YES1: variants seen among roughly 807,000 people sequenced by gnomAD.
The protein encoded by YES1 is tyrosine-protein kinase Yes.
Under a neutral mutation model 70.4 loss-of-function variants are expected in YES1, and 39 were observed. That is an observed-to-expected ratio of 0.55 (90% CI 0.43 to 0.72). The LOEUF (loss-of-function observed/expected upper bound fraction) is 0.72, where lower values mean the gene tolerates loss of function less well. Among genes scored for constraint, YES1 ranks in the 30% least tolerant of loss-of-function variants. The pLI is 0.00. For missense variants in YES1, 495 were observed against 644.8 expected (o/e 0.77, Z 2.52); for synonymous variants, 198 against 218.6 (o/e 0.91, Z 0.83).
chr18:787,672 T>C (rs980452179), intron 1 of YES1, among the ~76,000 whole-genome samples: 4 of 151,876 alleles, frequency 2.6e-5, no homozygotes, highest in Non-Finnish European at 5.9e-5. Flanking sequence ...ATCGCGCCAC[T>C]GCACTTCAGC....
At chr18:771,738 T>C (rs890780425) in intron 1 of YES1, among the ~76,000 whole-genome samples, 10 of 152,102 alleles carry the variant, frequency 6.6e-5, no homozygotes, top group Admixed American at 3.3e-4. Context: ...TTTGTAGAGA[T>C]AGGGCTTTGT....
Position 732,914 on chromosome 18 carries a change from C to T in YES1, c.1343G>A (p.Arg448Gln), listed in dbSNP as rs1384930568. The change falls in exon 11 of 12, where the codon CGG becomes CAG. Residue 448 changes from arginine (R) to glutamine (Q), a missense_variant. By Grantham distance (43) the Arg-to-Gln change is conservative. This residue lies in a region of YES1 where 385 missense variants were observed against 540.9 expected (regional missense o/e 0.71). Coordinates refer to ENST00000314574, the MANE Select transcript of YES1 (RefSeq NM_005433.4). ...CCAGACATCAGACTTTATTGTAAAC[C>T]GACCATACAGTGCAGCTTCAGGAGC... is the stretch of plus-strand genomic sequence containing the variant. The part of the protein sequence containing the change: ...WTAPEAALYG[R>Q]FTIKSDVWSF... 7 of 1,613,956 alleles carry T rather than the reference C, an allele frequency of 4.3e-6. No individual in the cohort carries two copies. Among genetic ancestry groups the T allele is most frequent in the Non-Finnish European group, 5.1e-6 (6 of 1,180,036 alleles).
intron 1 of YES1, among the ~76,000 whole-genome samples, chr18:757,269 CA>C (rs1461164170): frequency 5.3e-5 from 8 of 151,968 alleles, no homozygotes; most frequent in Admixed American, 3.3e-4. Flanking sequence ...TTTGGGAGGC[CA>C]AGGCGGGCGG....
intron 1 of YES1, among the ~76,000 whole-genome samples, chr18:797,068 A>T (rs1906584606): frequency 1.3e-5 from 2 of 152,168 alleles, no homozygotes; most frequent in Non-Finnish European, 2.9e-5. Flanking sequence ...AAAGTTACAG[A>T]AGGAACATTA....
At chr18:746,133 GA>G in intron 4 of YES1, 82 bp from the exon 5 acceptor site, 1 of 995,244 alleles carries the variant, frequency 1.0e-6, no homozygotes, top group Non-Finnish European at 1.5e-6. Flanking sequence ...AATGGACTGG[GA>G]TAGGTTTGGA....
intron 1 of YES1, among the ~76,000 whole-genome samples, chr18:761,414 C>T (rs1049026040): frequency 1.3e-5 from 2 of 151,906 alleles, no homozygotes; most frequent in African/African-American, 4.8e-5. Flanking sequence ...TGGGGGAAAC[C>T]CAGTAATACT....
At chr18:747,298 G>A (rs565794716) in intron 4 of YES1, among the ~76,000 whole-genome samples, 194 of 152,186 alleles carry the variant, frequency 1.3e-3, no homozygotes, top group Non-Finnish European at 2.4e-3. Flanking sequence ...GCGAAACCCC[G>A]TCTCTACTAA....
Position 748,018 on chromosome 18 carries a change from C to T in YES1, c.372G>A (p.Thr124=). The change falls in exon 4 of 12, where the codon ACG becomes ACA. Residue 124 remains threonine (T), a splice_region_variant and synonymous_variant. Transcript: ENST00000314574. ...KGERFQIINN[T]EGDWWEARSI... is the part of the protein sequence containing the mutation. ...ATCTTGCTTCCCACCAATCTCCTTC[C>T]CTGCAACACATAAAACAGCAATCAC... 3 of 1,613,686 alleles carry T rather than the reference C, an allele frequency of 1.9e-6. No homozygotes were observed. The highest frequency in any genetic ancestry group is 2.5e-6 in the Non-Finnish European group (3 of 1,179,862).
intron 1 of YES1, among the ~76,000 whole-genome samples, chr18:774,630 A>C (rs1598926119): frequency 6.6e-6 from 1 of 152,152 alleles, no homozygotes; most frequent in East Asian, 1.9e-4. Context: ...TCAGTATCTG[A>C]CAACTTCTCT....
At chr18:767,185 G>A (rs1033007769) in intron 1 of YES1, among the ~76,000 whole-genome samples, 1 of 152,050 alleles carries the variant, frequency 6.6e-6, no homozygotes, top group Non-Finnish European at 1.5e-5. Context: ...GACAAGGTCT[G>A]GCTACTCTGG....
intron 1 of YES1, among the ~76,000 whole-genome samples, chr18:809,813 T>C (rs766187410): frequency 3.5e-4 from 53 of 152,106 alleles, no homozygotes; most frequent in Non-Finnish European, 6.2e-4. Flanking sequence ...AAACAGATTC[T>C]GCACACAAAC....
intron 1 of YES1, among the ~76,000 whole-genome samples, chr18:799,418 A>G (rs1410134063): frequency 6.6e-6 from 1 of 152,210 alleles, no homozygotes; most frequent in African/African-American, 2.4e-5. Flanking sequence ...TTTAAGAAGT[A>G]TGGTTGTGAG....
intron 1 of YES1, among the ~76,000 whole-genome samples, chr18:765,210 A>G (rs1904822528): frequency 7.0e-6 from 1 of 141,962 alleles, no homozygotes; most frequent in African/African-American, 2.6e-5. Flanking sequence ...ATAATCATCA[A>G]CTTCAAGACA....
At chr18:800,302 T>C (rs1906754200) in intron 1 of YES1, among the ~76,000 whole-genome samples, 2 of 152,244 alleles carry the variant, frequency 1.3e-5, no homozygotes, top group African/African-American at 4.8e-5. Flanking sequence ...CTATGTGTCA[T>C]TGTTCTATGT....
chr18:743,991 TTAC>T (rs1227268641), intron 6 of YES1, among the ~76,000 whole-genome samples: 1 of 148,976 alleles, frequency 6.7e-6, no homozygotes, highest in Non-Finnish European at 1.5e-5. Flanking sequence ...TATATTGTAT[TTAC>T]TACTTAGTAT....
At chr18:798,424 A>T (rs1906649943) in intron 1 of YES1, among the ~76,000 whole-genome samples, 1 of 152,310 alleles carries the variant, frequency 6.6e-6, no homozygotes, top group South Asian at 2.1e-4. Context: ...GACATTTGTT[A>T]TGAGTTTCTC....
chr18:799,077 C>T (rs565843582), intron 1 of YES1, among the ~76,000 whole-genome samples: 1 of 152,318 alleles, frequency 6.6e-6, no homozygotes, highest in African/African-American at 2.4e-5. Context: ...GTTGGACTAA[C>T]CAGTTTGCTT....
rs947825858 is a variant in YES1 at position 724,535 on chromosome 18, C to G, written c.1521G>C (p.Leu507=). 1.9e-6 allele frequency: 3 copies of G among 1,614,170 alleles called. No individual in the cohort carries two copies. The highest frequency in any genetic ancestry group is 8.5e-7 in the Non-Finnish European group (1 of 1,180,040). Residue 507 remains leucine (L), a synonymous_variant, in exon 12 of 12, where the codon CTG becomes CTC. Coordinates refer to ENST00000314574, the MANE Select transcript of YES1 (RefSeq NM_005433.4). The part of the protein sequence containing the change: ...CPESLHELMN[L]CWKKDPDERP... ...TTTCATCAGGGTCCTTCTTCCAACA[C>G]AGATTCATCAATTCATGGAGGGATT...
intron 10 of YES1, among the ~76,000 whole-genome samples, chr18:735,210 T>C (rs1027231998): frequency 1.4e-5 from 2 of 148,106 alleles, no homozygotes; most frequent in African/African-American, 5.0e-5. Flanking sequence ...CAAATGTTTA[T>C]AGCAGCACAA....
Sources: allele counts gnomAD v4.1 joint callset (sites outside exome capture counted in the v4.1 genomes callset), GRCh38; gene constraint gnomAD v4.1.1; regional missense constraint gnomAD v4.1.1; transcripts MANE v1.5; gene names NCBI Gene and HGNC (gene_info 2026-07-23, HGNC 2026-07-21).